The following DOCK1 variants were observed in gnomAD, a reference collection of about 807,000 sequenced individuals.
The protein encoded by DOCK1 is dedicator of cytokinesis protein 1.
A neutral mutation model predicts 262.7 loss-of-function variants in DOCK1; 138 were observed. The ratio of observed to expected loss-of-function variants is 0.53; its 90% confidence interval spans 0.46 to 0.61. The LOEUF (loss-of-function observed/expected upper bound fraction) is 0.61, where lower values mean the gene tolerates loss of function less well. DOCK1 is among the 20% of genes least tolerant of loss of function. The pLI, the probability that DOCK1 is intolerant of heterozygous loss-of-function variation, is 0.00. For synonymous variants in DOCK1, 866 were observed against 867.4 expected, an observed-to-expected ratio of 1.00 and a Z score of 0.03; for missense variants, 1,908 against 2,370.7, an observed-to-expected ratio of 0.80 and a Z score of 4.05.
chr10:127,107,817 A>G (rs1365786065), intron 24 of DOCK1, among the ~76,000 whole-genome samples: 1 of 152,254 alleles, frequency 6.6e-6, no homozygotes, highest in Non-Finnish European at 1.5e-5. Flanking sequence ...AGAAAGCTGC[A>G]ACTGGTGTGG....
chr10:126,973,181 G>A (rs758357426), intron 2 of DOCK1, among the ~76,000 whole-genome samples: 10 of 151,844 alleles, frequency 6.6e-5, no homozygotes, highest in Admixed American at 2.6e-4. Context: ...TGGGCCTGTG[G>A]AGACTGCATT....
chr10:127,286,775 CTTAGTA>C (rs1312979806), intron 29 of DOCK1, among the ~76,000 whole-genome samples: 1 of 151,808 alleles, frequency 6.6e-6, no homozygotes, highest in Non-Finnish European at 1.5e-5. Flanking sequence ...GTTTGCCCAA[CTTAGTA>C]TCTAAACAAG....
chr10:127,136,259 C>T (rs2050688303), intron 27 of DOCK1: 1 of 151,894 alleles, frequency 6.6e-6, no homozygotes, highest in Non-Finnish European at 1.5e-5. Flanking sequence ...AGAACTAAAA[C>T]AGATTTGCTG....
At chr10:127,234,109 G>A (rs1381621815) in intron 27 of DOCK1, among the ~76,000 whole-genome samples, 1 of 152,078 alleles carries the variant, frequency 6.6e-6, no homozygotes, top group African/African-American at 2.4e-5. Context: ...CTAAAAGCGT[G>A]CCCATTAAAA....
intron 29 of DOCK1, among the ~76,000 whole-genome samples, chr10:127,334,248 A>G (rs2063104612): frequency 6.6e-6 from 1 of 152,164 alleles, no homozygotes; most frequent in Non-Finnish European, 1.5e-5. Flanking sequence ...CCATTGATAG[A>G]TAGATAGACA....
intron 46 of DOCK1, among the ~76,000 whole-genome samples, chr10:127,423,363 G>T (rs1382530932): frequency 6.6e-6 from 1 of 152,134 alleles, no homozygotes; most frequent in Non-Finnish European, 1.5e-5. Context: ...GTGAAGGTTG[G>T]TTAATAAGTC....
chr10:127,205,725 A>T (rs2057688927), intron 27 of DOCK1, among the ~76,000 whole-genome samples: 1 of 152,252 alleles, frequency 6.6e-6, no homozygotes, highest in Admixed American at 6.5e-5. Context: ...ATTGCGATTC[A>T]TATGACAAGT....
intron 46 of DOCK1, among the ~76,000 whole-genome samples, 200 bp downstream of exon 46, chr10:127,419,949 C>T (rs111431311): frequency 2.8e-3 from 422 of 152,332 alleles, no homozygotes; most frequent in Admixed American, 5.7e-3. Context: ...TTTGAACACC[C>T]AGAAAATTAT....
At chr10:126,918,813 C>T (rs953211815) in intron 1 of DOCK1, among the ~76,000 whole-genome samples, 4 of 152,222 alleles carry the variant, frequency 2.6e-5, no homozygotes, top group Non-Finnish European at 4.4e-5. Context: ...GCAAAGTCAG[C>T]GAAGTCACTT....
intron 50 of DOCK1, among the ~76,000 whole-genome samples, chr10:127,445,250 C>T (rs2070459498): frequency 6.6e-6 from 1 of 152,188 alleles, no homozygotes; most frequent in Non-Finnish European, 1.5e-5. Context: ...GGAGCCCACT[C>T]TCCTTCCTGT....
chr10:127,404,211 C>T lies in DOCK1; in HGVS notation c.4018-114C>T, dbSNP rs568253461. 1.9e-5 allele frequency: 14 copies of T among 734,920 alleles called. No homozygotes were observed. The East Asian group carries it at 3.9e-4, about 20-fold the overall frequency. The allele number at this position is 734,920 out of a possible 1,614,324, so 45.5% of individuals were successfully genotyped here. ...CCACCATCTCCCTCTCCCACCATCTCCCCCTCCCACCCTATAGAAGTTGCC... is the reference window on the plus strand; with the variant it reads ...CCACCATCTCCCTCTCCCACCATCTTCCCCTCCCACCCTATAGAAGTTGCC... On this transcript the variant is annotated intron_variant, in intron 39 of 51. Coordinates refer to ENST00000623213, the MANE Select transcript of DOCK1 (RefSeq NM_001290223.2).
chr10:127,268,620 T>C (rs1474621695), intron 29 of DOCK1, among the ~76,000 whole-genome samples: 2 of 151,712 alleles, frequency 1.3e-5, no homozygotes, highest in Non-Finnish European at 2.9e-5. Flanking sequence ...CCATGTGACC[T>C]CAGCCAAACC....
At chr10:126,940,101 A>T (rs2034876250) in intron 1 of DOCK1, among the ~76,000 whole-genome samples, 1 of 152,178 alleles carries the variant, frequency 6.6e-6, no homozygotes, top group African/African-American at 2.4e-5. Context: ...TTCACAAATG[A>T]TGTTTTTGCC....
intron 29 of DOCK1, among the ~76,000 whole-genome samples, chr10:127,338,802 G>A (rs1391009567): frequency 1.3e-5 from 2 of 151,608 alleles, no homozygotes; most frequent in Non-Finnish European, 2.9e-5. Flanking sequence ...CTTTCATCCT[G>A]CATGTGCTAA....
chr10:127,032,064 A>G lies in DOCK1; in HGVS notation c.1729-73A>G, dbSNP rs894222920. The G allele has an allele frequency of 2.3e-5, 35 of 1,527,282 alleles. No individual in the cohort carries two copies. In the African/African-American group the frequency reaches 4.0e-4, roughly 17 times the overall value. 94.6% of individuals were successfully genotyped at this position (1,527,282 alleles called of 1,614,324 possible). A position where few individuals can be genotyped will look rare whatever the true frequency, so the allele number is the denominator to read the frequency against. On this transcript the variant is annotated intron_variant, in intron 17 of 51. Transcript: ENST00000623213. Reference sequence around the variant, plus strand: ...TACGATGGTTACAAGGATTAGGGATAACAAAGGGTGGCAAAAATGGTGTGT... The same window carrying G: ...TACGATGGTTACAAGGATTAGGGATGACAAAGGGTGGCAAAAATGGTGTGT...
chr10:126,948,974 C>T (rs921533424), intron 1 of DOCK1, among the ~76,000 whole-genome samples: 2 of 152,234 alleles, frequency 1.3e-5, no homozygotes, highest in East Asian at 1.9e-4. Flanking sequence ...CTTTCAGTGG[C>T]CCGGGCCCAC....
chr10:127,080,950 C>T (rs1026005690), intron 23 of DOCK1, among the ~76,000 whole-genome samples: 2 of 152,128 alleles, frequency 1.3e-5, no homozygotes, highest in Admixed American at 6.6e-5. Context: ...TGCTCTCAAC[C>T]TTCTTGACCT....
chr10:127,423,530 G>A (rs1166569835), intron 46 of DOCK1, among the ~76,000 whole-genome samples: 3 of 152,280 alleles, frequency 2.0e-5, no homozygotes, highest in African/African-American at 7.2e-5. Flanking sequence ...TTTCTCAAAG[G>A]CACAATTCCA....
chr10:127,228,436 T>A (rs955247511), intron 27 of DOCK1, among the ~76,000 whole-genome samples: 2 of 152,194 alleles, frequency 1.3e-5, no homozygotes, highest in Admixed American at 6.5e-5. Flanking sequence ...TTCTTTCCAA[T>A]GCTATAAAAA....
Sources: gnomAD v4.1 joint callset for allele counts (sites outside exome capture counted in the v4.1 genomes callset) on GRCh38, gnomAD v4.1.1 for gene constraint, MANE v1.5 for transcripts, NCBI Gene and HGNC (gene_info 2026-07-23, HGNC 2026-07-21) for gene names.